The following DNAH11 variants were observed in gnomAD, a reference collection of about 807,000 sequenced individuals.
DNAH11 encodes dynein axonemal heavy chain 11, also known as axonemal beta dynein heavy chain 11.
A neutral mutation model predicts 526.0 loss-of-function variants in DNAH11; 442 were observed. That is an observed-to-expected ratio of 0.84 (90% CI 0.78 to 0.91). The LOEUF is 0.91. Ranked by LOEUF, DNAH11 falls within the 40% of genes least tolerant of loss-of-function variation. DNAH11 has a pLI of 0.00. For missense variants in DNAH11, 6,989 were observed against 5,448.7 expected (o/e 1.28, Z -8.90); for synonymous variants, 2,461 against 1,935.9 (o/e 1.27, Z -7.12).
rs774830486 is a variant in DNAH11 at position 21,588,642 on chromosome 7, T to C, written c.1973+6T>C. 6.2e-6 allele frequency: 10 copies of C among 1,612,316 alleles called. No individual in the cohort carries two copies. The highest frequency in any genetic ancestry group is 5.3e-5 in the African/African-American group (4 of 74,922). On this transcript the variant is annotated splice_donor_region_variant and intron_variant, in intron 11 of 81. Transcript: ENST00000409508. The stretch of plus-strand genomic sequence containing the variant: ...TTCGCATCTCTCCGTTATCTGTAAG[T>C]AGTTAAGCTTAGGTCATGGCAAGTT...
At chr7:21,773,743 A>C in intron 55 of DNAH11, 23 bp from the exon 56 acceptor site, 4 of 1,402,016 alleles carry the variant, frequency 2.9e-6, no homozygotes, top group Non-Finnish European at 3.8e-6. Flanking sequence ...ATTTCACATG[A>C]ACTGTAATGT....
At chr7:21,735,946 G>A in intron 46 of DNAH11, 102 bp downstream of exon 46, 3 of 1,095,248 alleles carry the variant, frequency 2.7e-6, no homozygotes, top group Non-Finnish European at 3.9e-6. Flanking sequence ...AGAATTTAGA[G>A]TTGTTGCTTG....
intron 28 of DNAH11, among the ~76,000 whole-genome samples, chr7:21,650,922 A>T (rs1787597932): frequency 6.6e-6 from 1 of 151,026 alleles, no homozygotes; most frequent in Admixed American, 6.6e-5. Flanking sequence ...TTATAGGCGT[A>T]AGCCACCGTG....
intron 65 of DNAH11, among the ~76,000 whole-genome samples, chr7:21,828,087 T>C (rs527883476): frequency 6.6e-6 from 1 of 152,254 alleles, no homozygotes; most frequent in South Asian, 2.1e-4. Flanking sequence ...TAGCTGAAAC[T>C]ACAGGCATGC....
chr7:21,886,311 A>G (rs1052183565), intron 76 of DNAH11, among the ~76,000 whole-genome samples: 1 of 152,194 alleles, frequency 6.6e-6, no homozygotes, highest in Non-Finnish European at 1.5e-5. Flanking sequence ...ATTTTAGACT[A>G]AAATACACCA....
At chr7:21,591,668 T>G (rs530131315) in intron 14 of DNAH11, 91 bp downstream of exon 14, 19 of 1,300,390 alleles carry the variant, frequency 1.5e-5, no homozygotes, top group Non-Finnish European at 1.9e-5. Context: ...TGGGACTCTT[T>G]TATCAAGCCT....
intron 49 of DNAH11, among the ~76,000 whole-genome samples, chr7:21,744,142 A>C (rs1289299389): frequency 6.6e-6 from 1 of 152,212 alleles, no homozygotes; most frequent in Non-Finnish European, 1.5e-5. Context: ...TTGTAAACTT[A>C]GTCCATTGTA....
At position 21,807,946 on chromosome 7, in the gene DNAH11, A is replaced by G. The variant is rs1409911151; in HGVS notation, c.10229A>G (p.Asp3410Gly). The G allele has an allele frequency of 2.5e-6, 4 of 1,609,630 alleles. No homozygotes were observed. The highest frequency in any genetic ancestry group is 2.2e-5 in the East Asian group (1 of 44,828). ...GCTCAAGAGAAGACACTCTGTGGAG[A>G]TGTTCTTCTCACGGCGGCATTTGTG... ...FEAQEKTLCG[D>G]VLLTAAFVSY... Residue 3410 changes from aspartate to glycine, a missense_variant, in exon 63 of 82, where the codon GAT (aspartate) becomes GGT (glycine). Coordinates refer to ENST00000409508, the MANE Select transcript of DNAH11 (RefSeq NM_001277115.2).
rs781418836 is a variant in DNAH11, at chr7:21,787,485, T to A, written c.9826T>A (p.Leu3276Met). 3.1e-6 allele frequency: 5 copies of A among 1,613,860 alleles called. No homozygotes were observed. Among genetic ancestry groups the A allele is most frequent in the Non-Finnish European group, 4.2e-6 (5 of 1,179,778 alleles). ...NCLKVVNEHY[L>M]KDPEFNPNLI... is the part of the protein sequence containing the mutation. ...TCTAAAAGTGGTGAATGAACACTAT[T>A]TGAAAGACCCAGAGTTTAATCCAAA... is the stretch of plus-strand genomic sequence containing the variant. Residue 3276 changes from leucine to methionine, a missense_variant, in exon 60 of 82, where the codon TTG becomes ATG. Coordinates refer to ENST00000409508, the MANE Select transcript of DNAH11 (RefSeq NM_001277115.2).
chr7:21,585,866 T>C (rs1227119569), intron 9 of DNAH11, among the ~76,000 whole-genome samples: 2 of 152,256 alleles, frequency 1.3e-5, no homozygotes, highest in Non-Finnish European at 2.9e-5. Context: ...AGATCTCAGA[T>C]GTGATATTTA....
At chr7:21,578,443 C>G (rs947985783) in intron 8 of DNAH11, among the ~76,000 whole-genome samples, 4 of 152,252 alleles carry the variant, frequency 2.6e-5, no homozygotes, top group Non-Finnish European at 4.4e-5. Context: ...GGCAGCTCCA[C>G]CCCTGTGGCT....
intron 54 of DNAH11, among the ~76,000 whole-genome samples, chr7:21,755,255 T>G (rs1786578337): frequency 6.6e-6 from 1 of 152,206 alleles, no homozygotes; most frequent in South Asian, 2.1e-4. Flanking sequence ...AATAAGGCAA[T>G]GAATAGCAAT....
intron 30 of DNAH11, among the ~76,000 whole-genome samples, chr7:21,659,508 C>G (rs1422206821): frequency 6.6e-6 from 1 of 151,878 alleles, no homozygotes; most frequent in African/African-American, 2.4e-5. Flanking sequence ...ATCCTGTGAC[C>G]TTTCCTTAAG....
chr7:21,625,632 T>A (rs189139938), intron 25 of DNAH11, among the ~76,000 whole-genome samples: 1 of 152,282 alleles, frequency 6.6e-6, no homozygotes, highest in East Asian at 1.9e-4. Flanking sequence ...TGTAAACACT[T>A]ATTGCTAAAA....
rs369078097 is a variant in DNAH11 at position 21,787,497 on chromosome 7, G to C, written c.9838G>C (p.Glu3280Gln). The C allele has an allele frequency of 6.2e-7, 1 of 1,613,812 alleles. No homozygotes were observed. Among genetic ancestry groups the C allele is most frequent in the Admixed American group, 1.7e-5 (1 of 60,008 alleles). ...VVNEHYLKDP[E>Q]FNPNLIRTKS... ...GAATGAACACTATTTGAAAGACCCA[G>C]AGTTTAATCCAAACCTGATTCGAAC... The change falls in exon 60 of 82, where the codon GAG becomes CAG. Residue 3280 changes from glutamate (E) to glutamine (Q), a missense_variant. Glu to Gln is a conservative substitution (Grantham distance 29). Transcript: ENST00000409508.
At chr7:21,789,609 T>C (rs1464487237) in intron 61 of DNAH11, among the ~76,000 whole-genome samples, 1 of 152,102 alleles carries the variant, frequency 6.6e-6, no homozygotes, top group Non-Finnish European at 1.5e-5. Context: ...GGGCAGCACA[T>C]AGTGATTCCA....
rs796872314 is a variant in DNAH11 at position 21,894,770 on chromosome 7, C to A, written c.12898C>A (p.Arg4300Ser). ...GATGAATATTCTCATTCGGGAAATA[C>A]GTATATCACTTGAACAACTGGACCT... Reference protein sequence around the residue: ...ERMNILIREIRISLEQLDLSL... With the variant: ...ERMNILIREISISLEQLDLSL... The change falls in exon 78 of 82, where the codon CGT becomes AGT. Residue 4300 changes from arginine to serine, a missense_variant. Arg to Ser is a moderately radical substitution (Grantham distance 110). Coordinates refer to ENST00000409508, the MANE Select transcript of DNAH11 (RefSeq NM_001277115.2). 1.2e-6 allele frequency: 2 copies of A among 1,611,894 alleles called. No individual in the cohort carries two copies. Among genetic ancestry groups the A allele is most frequent in the Admixed American group, 1.7e-5 (1 of 59,712 alleles).
chr7:21,573,250 C>G (rs1783962726), intron 8 of DNAH11, among the ~76,000 whole-genome samples: 1 of 152,090 alleles, frequency 6.6e-6, no homozygotes, highest in Non-Finnish European at 1.5e-5. Context: ...TTCATTTACT[C>G]TTGAGGTATA....
chr7:21,797,415 C>T (rs1283496921), intron 61 of DNAH11, among the ~76,000 whole-genome samples: 1 of 151,558 alleles, frequency 6.6e-6, no homozygotes, highest in Non-Finnish European at 1.5e-5. Context: ...GACGGGGTTT[C>T]TCTATGTTGG....
Sources: allele counts gnomAD v4.1 joint callset (sites outside exome capture counted in the v4.1 genomes callset), GRCh38; gene constraint gnomAD v4.1.1; transcripts MANE v1.5; gene names NCBI Gene and HGNC (gene_info 2026-07-23, HGNC 2026-07-21).